The following CDH13 variants were observed in gnomAD, a reference collection of about 807,000 sequenced individuals.
CDH13 encodes the protein cadherin-13.
Under a neutral mutation model 63.8 loss-of-function variants are expected in CDH13, and 24 were observed. That is an observed-to-expected ratio of 0.38 (90% CI 0.27 to 0.53). The LOEUF is 0.53. Among genes scored for constraint, CDH13 ranks in the 20% least tolerant of loss-of-function variants. CDH13 has a pLI of 0.85. For synonymous variants in CDH13, 503 were observed against 355.3 expected (o/e 1.42, Z -4.67); for missense variants, 1,049 against 903.1 (o/e 1.16, Z -2.07).
At chr16:83,073,354 T>TGTGAGAGAGAGAGA (rs1311548254) in intron 3 of CDH13, among the ~76,000 whole-genome samples, 11 of 139,756 alleles carry the variant, frequency 7.9e-5, no homozygotes, top group Admixed American at 2.1e-4. Context: ...TGTGTGTGTG[T>TGTGAGAGAGAGAGA]GAGAGAGAGA....
At position 82,997,908 on chromosome 16, in the gene CDH13, T is replaced by C. The variant is rs558627431; in HGVS notation, c.158-34102T>C. 2.6e-5 allele frequency among the ~76,000 whole-genome samples: 4 copies of C among 152,354 alleles called. No homozygotes were observed. The South Asian group carries it at 8.3e-4, about 32-fold the overall frequency. ...TCAGCTAAGGTGAATCTGATACTAG[T>C]AGAACTCTAAGAATGTGCATTTATT... On this transcript the variant is annotated intron_variant, in intron 2 of 13. Coordinates refer to ENST00000567109, the MANE Select transcript of CDH13 (RefSeq NM_001257.5).
At chr16:83,075,476 C>G (rs1221004352) in intron 3 of CDH13, among the ~76,000 whole-genome samples, 2 of 152,164 alleles carry the variant, frequency 1.3e-5, no homozygotes, top group Non-Finnish European at 2.9e-5. Flanking sequence ...CCTAGAATGG[C>G]CTAGGCAGAG....
rs550875312 is a variant in CDH13, at chr16:82,986,939, G to A, written c.158-45071G>A. Reference sequence around the variant, plus strand: ...TTTGGGTGAGTTAAGTCTATGGAAAGGGAACAGAAAACATGTGAGGAAACA... The same window carrying A: ...TTTGGGTGAGTTAAGTCTATGGAAAAGGAACAGAAAACATGTGAGGAAACA... On this transcript the variant is annotated intron_variant, in intron 2 of 13. Coordinates refer to ENST00000567109, the MANE Select transcript of CDH13 (RefSeq NM_001257.5). Among the ~76,000 whole-genome samples the A allele has an allele frequency of 2.0e-5, 3 of 152,170 alleles. No individual in the cohort carries two copies. The East Asian group carries it at 5.8e-4, about 29-fold the overall frequency.
At chr16:83,646,712 A>ACACAC (rs1555507949) in intron 8 of CDH13, among the ~76,000 whole-genome samples, 8 of 80,522 alleles carry the variant, frequency 9.9e-5, no homozygotes, top group Admixed American at 3.3e-4. Context: ...AAAAAAAAAA[A>ACACAC]ACACACACAC....
At chr16:82,773,519 G>C (rs760151673) in intron 1 of CDH13, 22 of 152,212 alleles carry the variant, frequency 1.4e-4, no homozygotes, top group Non-Finnish European at 3.1e-4. Context: ...TTGAACATTA[G>C]GTAGGTCTCA....
intron 5 of CDH13, among the ~76,000 whole-genome samples, chr16:83,339,848 C>T (rs1390066638): frequency 2.6e-5 from 4 of 152,174 alleles, no homozygotes; most frequent in Non-Finnish European, 5.9e-5. Context: ...CTGGTTTAAA[C>T]ATAAATTCCT....
intron 1 of CDH13, among the ~76,000 whole-genome samples, chr16:82,791,705 C>G (rs1480509007): frequency 6.6e-6 from 1 of 152,230 alleles, no homozygotes; most frequent in Non-Finnish European, 1.5e-5. Flanking sequence ...CCCATTGCCA[C>G]TCCCGACTGG....
Position 83,353,023 on chromosome 16 carries a change from T to A in CDH13, c.781+8017T>A, listed in dbSNP as rs1054835866. On this transcript the variant is annotated intron_variant, in intron 6 of 13. Coordinates refer to ENST00000567109, the MANE Select transcript of CDH13 (RefSeq NM_001257.5). The stretch of plus-strand genomic sequence containing the variant: ...TTATAAGTCAGAGCTAAATCATGTG[T>A]ACACATGGACATAGAGTGTGGAATA... Among the ~76,000 whole-genome samples, 3 of 152,212 alleles carry A rather than the reference T, an allele frequency of 2.0e-5. No homozygotes were observed. The South Asian group carries it at 6.2e-4, about 32-fold the overall frequency.
chr16:82,713,998 C>G (rs2032162862), intron 1 of CDH13, among the ~76,000 whole-genome samples: 1 of 152,090 alleles, frequency 6.6e-6, no homozygotes, highest in Non-Finnish European at 1.5e-5. Flanking sequence ...GGCTGGAGTG[C>G]ATGTTGGCCA....
rs58505161 is a variant in CDH13, at chr16:83,073,354, T to TGAGA, written c.366+41156_366+41159dup. Reference sequence around the variant, plus strand: ...GTGTGTGTGTGTGTGTGTGTGTGTGTGAGAGAGAGAGAGAGAGAGAGAGCT... The same window carrying TGAGA: ...GTGTGTGTGTGTGTGTGTGTGTGTGTGAGAGAGAGAGAGAGAGAGAGAGAGAGCT... On this transcript the variant is annotated intron_variant, in intron 3 of 13. Transcript: ENST00000567109. 5.5e-3 allele frequency among the ~76,000 whole-genome samples: 776 copies of TGAGA among 139,838 alleles called. 13 individuals carry two copies. The highest frequency in any genetic ancestry group is 0.021 in the African/African-American group (750 of 36,406). The allele number at this position is 139,838 out of a possible 152,430, so 91.7% of individuals were successfully genotyped here.
intron 4 of CDH13, among the ~76,000 whole-genome samples, chr16:83,145,230 G>A (rs1317604246): frequency 6.6e-6 from 1 of 152,188 alleles, no homozygotes; most frequent in Admixed American, 6.5e-5. Flanking sequence ...CTTGGTCGCT[G>A]ACAAACTCGG....
At chr16:83,309,367 C>T (rs1482746420) in intron 5 of CDH13, among the ~76,000 whole-genome samples, 3 of 142,436 alleles carry the variant, frequency 2.1e-5, no homozygotes, top group East Asian at 4.4e-4. Flanking sequence ...TCTGGAGGCA[C>T]TCCCCTCTCT....
chr16:83,553,921 C>G (rs971061077), intron 7 of CDH13, among the ~76,000 whole-genome samples: 3 of 152,180 alleles, frequency 2.0e-5, no homozygotes, highest in African/African-American at 7.2e-5. Flanking sequence ...GTTTACTTAA[C>G]CACCAATTTA....
chr16:83,292,621 T>A (rs2089491923), intron 5 of CDH13, among the ~76,000 whole-genome samples: 1 of 152,134 alleles, frequency 6.6e-6, no homozygotes, highest in Non-Finnish European at 1.5e-5. Context: ...CATCACACAC[T>A]CTCACTAAGT....
chr16:83,354,620 G>A (rs1361359991), intron 6 of CDH13, among the ~76,000 whole-genome samples: 1 of 152,194 alleles, frequency 6.6e-6, no homozygotes, highest in East Asian at 1.9e-4. Context: ...AAGAGGTGAT[G>A]TTGAAGCTGA....
chr16:82,764,939 C>G (rs895891195), intron 1 of CDH13, among the ~76,000 whole-genome samples: 2 of 151,982 alleles, frequency 1.3e-5, no homozygotes, highest in African/African-American at 2.4e-5. Context: ...CTCAGCCTCC[C>G]GAGTAGCTGA....
intron 1 of CDH13, among the ~76,000 whole-genome samples, chr16:82,835,729 A>G (rs1468567197): frequency 6.6e-6 from 1 of 152,170 alleles, no homozygotes; most frequent in African/African-American, 2.4e-5. Flanking sequence ...TGCTGGTCTC[A>G]ACTCATGCAC....
chr16:83,126,849 T>A (rs888401654), intron 4 of CDH13, among the ~76,000 whole-genome samples: 6 of 152,096 alleles, frequency 3.9e-5, no homozygotes, highest in African/African-American at 1.2e-4. Flanking sequence ...AAGAAGCAGA[T>A]AATAAAGCTA....
At chr16:83,773,089 C>T (rs1914865435) in intron 11 of CDH13, among the ~76,000 whole-genome samples, 1 of 151,920 alleles carries the variant, frequency 6.6e-6, no homozygotes, top group African/African-American at 2.4e-5. Flanking sequence ...TAGGCTCCAA[C>T]CCTTCCACAG....
Sources: allele counts gnomAD v4.1 joint callset (sites outside exome capture counted in the v4.1 genomes callset), GRCh38; gene constraint gnomAD v4.1.1; transcripts MANE v1.5; gene names NCBI Gene and HGNC (gene_info 2026-07-23, HGNC 2026-07-21).